Variants in CLPTM1L observed in about 807,000 individuals in gnomAD.
CLPTM1L encodes the protein lipid scramblase CLPTM1L.
Under a neutral mutation model 70.9 loss-of-function variants are expected in CLPTM1L, and 38 were observed. The ratio of observed to expected loss-of-function variants is 0.54; its 90% CI spans 0.41 to 0.70. CLPTM1L has a LOEUF of 0.70. CLPTM1L is among the 30% of genes least tolerant of loss of function. CLPTM1L has a pLI of 0.00. For synonymous variants in CLPTM1L, 339 were observed against 299.9 expected (o/e 1.13, Z -1.35); for missense variants, 652 against 705.9 (o/e 0.92, Z 0.87).
intron 5 of CLPTM1L, among the ~76,000 whole-genome samples, chr5:1,337,347 C>G (rs199930319): frequency 6.6e-6 from 1 of 152,358 alleles, no homozygotes; most frequent in East Asian, 1.9e-4. Context: ...TATGGGAGAG[C>G]AGGCGCTGTC....
chr5:1,344,623 C>T, intron 1 of CLPTM1L, 57 bp downstream of exon 1: 2 of 1,523,886 alleles, frequency 1.3e-6, no homozygotes, highest in African/African-American at 1.4e-5. Flanking sequence ...ACGTCTGGGG[C>T]CTGGAGGAGA....
rs1753969369 is a variant in CLPTM1L at position 1,342,021 on chromosome 5, T to TGC, written c.264-162_264-161insGC. On this transcript the variant is annotated intron_variant, in intron 2 of 16. Coordinates refer to ENST00000320895, the MANE Select transcript of CLPTM1L (RefSeq NM_030782.5). This position sits in a 1 kb window ranked among gnomAD's most constrained non-coding sequence, Gnocchi z 4.3. ...GGGCTTTACGAGTCGTGTGTGTGTGTGTGTGTGTGTGTGTGTGTGCACGCG... is the reference window on the plus strand; with the variant it reads ...GGGCTTTACGAGTCGTGTGTGTGTGTGCGTGTGTGTGTGTGTGTGTGCACGCG... Among the ~76,000 whole-genome samples, 2 of 128,404 alleles carry TGC rather than the reference T, an allele frequency of 1.6e-5. No individual in the cohort carries two copies. The highest frequency in any genetic ancestry group is 7.3e-5 in the Admixed American group (1 of 13,746). The allele number at this position is 128,404 out of a possible 152,430, so 84.2% of individuals were successfully genotyped here.
Position 1,344,567 on chromosome 5 carries a change from C to T in CLPTM1L, c.162+113G>A, listed in dbSNP as rs115162579. 1.1e-3 allele frequency: 1,646 copies of T among 1,452,100 alleles called. 17 individuals are homozygous for T. In the African/African-American group the frequency reaches 0.021, roughly 19 times the overall value. 90.0% of individuals were successfully genotyped at this position (1,452,100 alleles called of 1,614,324 possible). A position where few individuals can be genotyped will look rare whatever the true frequency, so the allele number is the denominator to read the frequency against. On this transcript the variant is annotated intron_variant, in intron 1 of 16. Coordinates refer to ENST00000320895, the MANE Select transcript of CLPTM1L (RefSeq NM_030782.5). ...GCCGCTGGGGAACCAGGAAAGGTTC[C>T]ATCTCGACTCGCGCGGCCACAGCTC...
intron 10 of CLPTM1L, 71 bp downstream of exon 10, chr5:1,325,680 C>T (rs1451880632): frequency 1.8e-5 from 24 of 1,333,348 alleles, no homozygotes; most frequent in Admixed American, 1.7e-5. Flanking sequence ...GGCCATCTTA[C>T]TCTTTGCACA....
At position 1,337,934 on chromosome 5, in the gene CLPTM1L, G is replaced by A; in HGVS notation, c.648C>T (p.Asp216=). The A allele has an allele frequency of 6.2e-7, 1 of 1,607,386 alleles. No homozygotes were observed. The part of the protein sequence containing the change: ...TVHYLPILFI[D]QLSNRVKDLM... ...GGTCCTTCACGCGGTTGCTGAGCTG[G>A]TCGATGAACAGGATGGGCAGGTAAT... The change falls in exon 5 of 17, where the codon GAC becomes GAT. Residue 216 remains aspartate, a synonymous_variant. Coordinates refer to ENST00000320895, the MANE Select transcript of CLPTM1L (RefSeq NM_030782.5).
rs1210883090 is a variant in CLPTM1L, at chr5:1,338,878, A to T, written c.581T>A (p.Val194Glu). 1 of 1,613,202 alleles carries T rather than the reference A, an allele frequency of 6.2e-7. No individual in the cohort carries two copies. ...VFDGSSLPAD[V>E]HRYMKMIQLG... Reference sequence around the variant, plus strand: ...CACTTACATCTTCATGTACCGATGCACATCGGCAGGCAGGGAGGACCCGTC... The same window carrying T: ...CACTTACATCTTCATGTACCGATGCTCATCGGCAGGCAGGGAGGACCCGTC... Residue 194 changes from valine (V) to glutamate (E), a missense_variant, in exon 4 of 17, where the codon GTG becomes GAG. Physicochemically the swap from Val to Glu is moderately radical, Grantham distance 121. Transcript: ENST00000320895.
chr5:1,335,011 G>T, intron 6 of CLPTM1L, 46 bp downstream of exon 6: 1 of 1,480,136 alleles, frequency 6.8e-7, no homozygotes, highest in Non-Finnish European at 9.4e-7. Flanking sequence ...TGCCCGAGGG[G>T]CTCCAGGGCG....
intron 10 of CLPTM1L, chr5:1,325,401 CCAGGACTGT>C: frequency 2.9e-6 from 1 of 342,688 alleles, no homozygotes; most frequent in Middle Eastern, 8.1e-4. Context: ...TTCAGGACTG[CCAGGACTGT>C]ACGGACCCCA....
intron 9 of CLPTM1L, 193 bp from the exon 10 acceptor site, chr5:1,326,009 G>GCGTAC (rs1397982931): frequency 1.7e-6 from 1 of 576,252 alleles, no homozygotes; most frequent in Non-Finnish European, 3.1e-6. Context: ...CACACGGCAG[G>GCGTAC]CGTACCTGGT....
At chr5:1,324,305 A>G (rs1379490173) in intron 11 of CLPTM1L, among the ~76,000 whole-genome samples, 1 of 152,270 alleles carries the variant, frequency 6.6e-6, no homozygotes, top group African/African-American at 2.4e-5. Context: ...TCATCTGTGC[A>G]GAAATGTTCT....
chr5:1,338,268 C>T, intron 4 of CLPTM1L: 1 of 501,402 alleles, frequency 2.0e-6, no homozygotes, highest in Non-Finnish European at 3.6e-6. Flanking sequence ...GGCCGTACAG[C>T]AGAACCCAGG....
rs1199171543 is a variant in CLPTM1L at position 1,342,035 on chromosome 5, T to C, written c.264-175A>G. On this transcript the variant is annotated intron_variant, in intron 2 of 16. Coordinates refer to ENST00000320895, the MANE Select transcript of CLPTM1L (RefSeq NM_030782.5). This position sits in a 1 kb window ranked among gnomAD's most constrained non-coding sequence, Gnocchi z 4.3. ...GTGTGTGTGTGTGTGTGTGTGTGTG[T>C]GTGTGCACGCGCACGCGTGCGCGTC... Among the ~76,000 whole-genome samples, 9 of 130,408 alleles carry C rather than the reference T, an allele frequency of 6.9e-5. No homozygotes were observed. The highest frequency in any genetic ancestry group is 2.5e-4 in the African/African-American group (7 of 27,974). 85.6% of individuals were successfully genotyped at this position (130,408 alleles called of 152,430 possible).
In CLPTM1L at chr5:1,342,255, C is replaced by A. The variant is rs773175663; in HGVS notation, c.264-395G>T. On this transcript the variant is annotated intron_variant, in intron 2 of 16. Transcript: ENST00000320895. The surrounding 1 kb of genome is among the most constrained non-coding windows in gnomAD (Gnocchi z 4.3). ...CACACTGAATCACCCAACTCCGAAG[C>A]GACAGAAGGGAAGGGCAGCAGCCAC... Among the ~76,000 whole-genome samples, 1 of 152,164 alleles carries A rather than the reference C, an allele frequency of 6.6e-6. No individual in the cohort carries two copies. The highest frequency in any genetic ancestry group is 1.5e-5 in the Non-Finnish European group (1 of 68,026).
At chr5:1,335,907 A>T (rs1753547840) in intron 5 of CLPTM1L, among the ~76,000 whole-genome samples, 1 of 148,252 alleles carries the variant, frequency 6.7e-6, no homozygotes, top group South Asian at 2.1e-4. Flanking sequence ...ACATCCAGCG[A>T]GGGCTGTGCT....
At position 1,318,643 on chromosome 5, in the gene CLPTM1L, A is replaced by T. The variant is rs1369730728; in HGVS notation, c.1533-190T>A. On this transcript the variant is annotated intron_variant, in intron 16 of 16. Coordinates refer to ENST00000320895, the MANE Select transcript of CLPTM1L (RefSeq NM_030782.5). This position sits in a 1 kb window ranked among gnomAD's most constrained non-coding sequence, Gnocchi z 8.9. ...ATTTCTGAGTTGTGTTTTGTTCTGCATGGCCAGGCCAGCGTGCTGCTCTCA... is the reference window on the plus strand; with the variant it reads ...ATTTCTGAGTTGTGTTTTGTTCTGCTTGGCCAGGCCAGCGTGCTGCTCTCA... Among the ~76,000 whole-genome samples the T allele has an allele frequency of 6.6e-6, 1 of 152,200 alleles. No individual in the cohort carries two copies. Among genetic ancestry groups the T allele is most frequent in the East Asian group, 1.9e-4 (1 of 5,190 alleles).
chr5:1,334,156 G>C lies in CLPTM1L; in HGVS notation c.891+133C>G, dbSNP rs1373499687. 6.6e-6 allele frequency: 4 copies of C among 604,816 alleles called. No individual in the cohort carries two copies. The East Asian group carries it at 1.2e-4, about 18-fold the overall frequency. The allele number at this position is 604,816 out of a possible 1,614,324, so 37.5% of individuals were successfully genotyped here. A position where few individuals can be genotyped will look rare whatever the true frequency, so the allele number is the denominator to read the frequency against. Reference sequence around the variant, plus strand: ...GTGTCAGGCGTGCTGGCTGCTGAGTGATGGGAGTGGACACTTGAGGGCCAC... The same window carrying C: ...GTGTCAGGCGTGCTGGCTGCTGAGTCATGGGAGTGGACACTTGAGGGCCAC... On this transcript the variant is annotated intron_variant, in intron 7 of 16. Transcript: ENST00000320895.
intron 1 of CLPTM1L, 85 bp downstream of exon 1, chr5:1,344,595 A>T: frequency 6.7e-7 from 1 of 1,491,820 alleles, no homozygotes; most frequent in Non-Finnish European, 9.1e-7. Context: ...CACAGCTCCG[A>T]ACTGGGACGG....
intron 7 of CLPTM1L, 43 bp downstream of exon 7, chr5:1,334,246 G>GC (rs751304652): frequency 1.4e-6 from 2 of 1,476,308 alleles, no homozygotes; most frequent in Admixed American, 1.7e-5. Flanking sequence ...GGCCCAGGGA[G>GC]CCCCCCAAGT....
At chr5:1,326,910 T>A (rs1478048481) in intron 9 of CLPTM1L, among the ~76,000 whole-genome samples, 8 of 149,122 alleles carry the variant, frequency 5.4e-5, no homozygotes, top group Admixed American at 2.0e-4. Flanking sequence ...ACGGACACAT[T>A]TCATCCAGCT....
Sources: gnomAD v4.1 joint callset for allele counts (sites outside exome capture counted in the v4.1 genomes callset) on GRCh38, gnomAD v4.1.1 for gene constraint, Gnocchi (gnomAD v3.1) non-coding constraint, MANE v1.5 for transcripts, NCBI Gene and HGNC (gene_info 2026-07-23, HGNC 2026-07-21) for gene names.